The following ARHGEF19 variants were observed in gnomAD, a reference collection of about 807,000 sequenced individuals.
ARHGEF19 encodes the protein Rho guanine nucleotide exchange factor 19.
A neutral mutation model predicts 87.6 loss-of-function variants in ARHGEF19; 92 were observed. The ratio of observed to expected loss-of-function variants is 1.05; its 90% CI spans 0.89 to 1.25. The LOEUF is 1.25. Ranked by LOEUF, ARHGEF19 falls within the 50% of genes most tolerant of loss-of-function variation. ARHGEF19 has a pLI of 0.00. For missense variants in ARHGEF19, 1,054 were observed against 1,051.8 expected (o/e 1.00, Z -0.03); for synonymous variants, 438 against 446.2 (o/e 0.98, Z 0.23).
chr1:16,204,612 C>A, intron 12 of ARHGEF19, 147 bp downstream of exon 12: 1 of 927,662 alleles, frequency 1.1e-6, no homozygotes. Context: ...GCTTCAGGAG[C>A]CTCCAAATCT....
In ARHGEF19 at chr1:16,206,804, C is replaced by T. The variant is rs1472413378; in HGVS notation, c.1137+144G>A. ...CCAGACGGCCTCGTGTAGTCAGGTC[C>T]TAGAGCCAACCTTCCGCGCGGACAG... On this transcript the variant is annotated intron_variant, in intron 6 of 15. Transcript: ENST00000270747. The surrounding 1 kb of genome is among the most constrained non-coding windows in gnomAD (Gnocchi z 4.6). The T allele has an allele frequency of 1.8e-6, 2 of 1,120,016 alleles. No homozygotes were observed. Among genetic ancestry groups the T allele is most frequent in the Non-Finnish European group, 2.4e-6 (2 of 837,700 alleles). 69.4% of individuals were successfully genotyped at this position (1,120,016 alleles called of 1,614,324 possible).
At chr1:16,199,807 T>TTCTCCCCTCCACTTTCCCTCCCTAC (rs1329778960) in intron 14 of ARHGEF19, among the ~76,000 whole-genome samples, 4 of 151,732 alleles carry the variant, frequency 2.6e-5, no homozygotes, top group Admixed American at 6.6e-5. Flanking sequence ...TATCCTCGTC[T>TTCTCCCCTCCACTTTCCCTCCCTAC]TCTCCCCTCC....
chr1:16,208,293 C>T lies in ARHGEF19; in HGVS notation c.413-68G>A, dbSNP rs528069248. 2.6e-6 allele frequency: 4 copies of T among 1,531,346 alleles called. No homozygotes were observed. In the African/African-American group the frequency reaches 5.5e-5, roughly 21 times the overall value. The allele number at this position is 1,531,346 out of a possible 1,614,324, so 94.9% of individuals were successfully genotyped here. A position where few individuals can be genotyped will look rare whatever the true frequency, so the allele number is the denominator to read the frequency against. On this transcript the variant is annotated intron_variant, in intron 2 of 15. Coordinates refer to ENST00000270747, the MANE Select transcript of ARHGEF19 (RefSeq NM_153213.5). ...CCCCAACCTCCTCCCTGCTGCTGCC[C>T]CTGGCCCTGAGCACCTGGGGAGGTT... is the stretch of plus-strand genomic sequence containing the variant.
In ARHGEF19 at chr1:16,202,415, C is replaced by A. The variant is rs1234145826; in HGVS notation, c.2066+1G>T. 1 of 1,609,972 alleles carries A rather than the reference C, an allele frequency of 6.2e-7. No individual in the cohort carries two copies. The highest frequency in any genetic ancestry group is 8.5e-7 in the Non-Finnish European group (1 of 1,178,152). ...TCTCTCCCATATCCAGGCCCACTCA[C>A]TCCGTCCGGGCCCGCAGCAGGAACT... On this transcript the variant is annotated splice_donor_variant, in intron 13 of 15. Transcript: ENST00000270747. LOFTEE classifies it high-confidence loss of function.
intron 14 of ARHGEF19, among the ~76,000 whole-genome samples, chr1:16,201,246 A>C (rs970117121): frequency 6.6e-5 from 10 of 152,264 alleles, no homozygotes; most frequent in South Asian, 2.1e-4. Flanking sequence ...CAAACCTTCA[A>C]TAGCTCCCTA....
Position 16,210,577 on chromosome 1 carries a change from A to G in ARHGEF19, c.-29-1494T>C, listed in dbSNP as rs138605442. 4.6e-3 allele frequency among the ~76,000 whole-genome samples: 708 copies of G among 152,362 alleles called. 4 individuals carry two copies. Among genetic ancestry groups the G allele is most frequent in the Non-Finnish European group, 7.3e-3 (494 of 68,026 alleles). On this transcript the variant is annotated intron_variant, in intron 1 of 15. Transcript: ENST00000270747. The stretch of plus-strand genomic sequence containing the variant: ...CAGAGACACTGACAATTTCAGGCCA[A>G]CCAGATCCTCAGAGACACAGATGAA...
At position 16,207,261 on chromosome 1, in the gene ARHGEF19, C is replaced by G; in HGVS notation, c.875-51G>C. On this transcript the variant is annotated intron_variant, in intron 5 of 15. Coordinates refer to ENST00000270747, the MANE Select transcript of ARHGEF19 (RefSeq NM_153213.5). The surrounding 1 kb of genome is among the most constrained non-coding windows in gnomAD (Gnocchi z 4.0). ...GCGTGGGGCGCCCGCCAGCCCCTGC[C>G]CGGCTTTTCCTCGGTTCCCTCAAGA... The G allele has an allele frequency of 6.8e-7, 1 of 1,464,972 alleles. No individual in the cohort carries two copies. The allele number at this position is 1,464,972 out of a possible 1,614,324, so 90.7% of individuals were successfully genotyped here.
rs763953963 is a variant in ARHGEF19, at chr1:16,199,196, G to A, written c.2205C>T (p.Thr735=). Residue 735 remains threonine (T), a synonymous_variant, in exon 15 of 16, where the codon ACC becomes ACT. Coordinates refer to ENST00000270747, the MANE Select transcript of ARHGEF19 (RefSeq NM_153213.5). The part of the protein sequence containing the change: ...TYKALHPDEL[T]LEKTDILSVR... ...CTGACAGGATGTCAGTCTTCTCCAA[G>A]GTCAGCTCATCTGGGTGCAGTGCCT... The A allele has an allele frequency of 2.5e-6, 4 of 1,614,004 alleles. No homozygotes were observed. The highest frequency in any genetic ancestry group is 1.7e-4 in the Middle Eastern group (1 of 6,058).
In ARHGEF19 at chr1:16,207,952, G is replaced by T. The variant is rs759650014; in HGVS notation, c.686C>A (p.Ala229Asp). Residue 229 changes from alanine to aspartate, a missense_variant, in exon 3 of 16, where the codon GCC becomes GAC. Physicochemically the swap from Ala to Asp is moderately radical, Grantham distance 126. Coordinates refer to ENST00000270747, the MANE Select transcript of ARHGEF19 (RefSeq NM_153213.5). This position sits in a 1 kb window ranked among gnomAD's most constrained non-coding sequence, Gnocchi z 4.0. ...ALISGSGTGA[A>D]REGKASGMEA... The stretch of plus-strand genomic sequence containing the variant: ...ATGGGAGGAGCTGGTACCTTCCCGG[G>T]CTGCTCCGGTGCCTGACCCAGAGAT... The T allele has an allele frequency of 1.9e-6, 3 of 1,609,272 alleles. No homozygotes were observed. The highest frequency in any genetic ancestry group is 2.2e-5 in the South Asian group (2 of 90,874).
In ARHGEF19 at chr1:16,205,051, C is replaced by G; in HGVS notation, c.1746+36G>C. 11 of 1,574,908 alleles carry G rather than the reference C, an allele frequency of 7.0e-6. No homozygotes were observed. The highest frequency in any genetic ancestry group is 9.5e-6 in the Non-Finnish European group (11 of 1,159,944). On this transcript the variant is annotated intron_variant, in intron 11 of 15. Coordinates refer to ENST00000270747, the MANE Select transcript of ARHGEF19 (RefSeq NM_153213.5). This position sits in a 1 kb window ranked among gnomAD's most constrained non-coding sequence, Gnocchi z 5.8. ...GGCAAGGAAGAAACAAGAGCTGCCC[C>G]TTGGGGTCCCCATCCCGCTGGCTGC...
chr1:16,198,853 G>A lies in ARHGEF19; in HGVS notation c.2252-109C>T. 3.6e-6 allele frequency: 5 copies of A among 1,374,188 alleles called. No homozygotes were observed. Among genetic ancestry groups the A allele is most frequent in the Non-Finnish European group, 4.9e-6 (5 of 1,017,530 alleles). The allele number at this position is 1,374,188 out of a possible 1,614,324, so 85.1% of individuals were successfully genotyped here. A position where few individuals can be genotyped will look rare whatever the true frequency, so the allele number is the denominator to read the frequency against. On this transcript the variant is annotated intron_variant, in intron 15 of 15. Transcript: ENST00000270747. The surrounding 1 kb of genome is among the most constrained non-coding windows in gnomAD (Gnocchi z 4.1). ...GCTTTGTCTGCACCCTTGGGGCCAA[G>A]GTGACATCATCTCAGCATCTCTCAG...
In ARHGEF19 at chr1:16,207,488, G is replaced by C. The variant is rs200208031; in HGVS notation, c.874+34C>G. The C allele has an allele frequency of 1.9e-6, 3 of 1,610,566 alleles. No homozygotes were observed. The highest frequency in any genetic ancestry group is 4.5e-5 in the East Asian group (2 of 44,812). On this transcript the variant is annotated intron_variant, in intron 5 of 15. Coordinates refer to ENST00000270747, the MANE Select transcript of ARHGEF19 (RefSeq NM_153213.5). The surrounding 1 kb of genome is among the most constrained non-coding windows in gnomAD (Gnocchi z 4.0). ...TTTCCACACCGCAGCCCCTTCCTCC[G>C]TTACCTCCTCCCAGGGACCCCCCTC...
chr1:16,211,861 TAG>T (rs2081200510), intron 1 of ARHGEF19, among the ~76,000 whole-genome samples: 1 of 152,156 alleles, frequency 6.6e-6, no homozygotes, highest in South Asian at 2.1e-4. Flanking sequence ...GATCACAGGA[TAG>T]AGACTCTTGT....
rs748109574 is a variant in ARHGEF19, at chr1:16,202,571, T to C, written c.1911A>G (p.Leu637=). The change falls in exon 13 of 16, where the codon CTA becomes CTG. Residue 637 remains leucine (L), a synonymous_variant. Transcript: ENST00000270747. ...DCLLLSRRKE[L]GKFAVFVHAK... ...CATGGACGAAAACGGCAAACTTCCC[T>C]AGCCTGGAGGACCGGGGGAGGGGAG... is the stretch of plus-strand genomic sequence containing the variant. The C allele has an allele frequency of 1.2e-6, 2 of 1,612,404 alleles. No homozygotes were observed. The highest frequency in any genetic ancestry group is 1.1e-5 in the South Asian group (1 of 91,006).
At position 16,206,556 on chromosome 1, in the gene ARHGEF19, C is replaced by T. The variant is rs1303177993; in HGVS notation, c.1138-216G>A. 6.9e-6 allele frequency: 4 copies of T among 581,534 alleles called. No individual in the cohort carries two copies. The highest frequency in any genetic ancestry group is 1.2e-5 in the Non-Finnish European group (4 of 327,322). The allele number at this position is 581,534 out of a possible 1,614,324, so 36.0% of individuals were successfully genotyped here. ...CCTCGATCCCGCCCCTCTCCTAAGC[C>T]CCGCCCCGACGCGTTCTTCCCAGAG... On this transcript the variant is annotated intron_variant, in intron 6 of 15. Coordinates refer to ENST00000270747, the MANE Select transcript of ARHGEF19 (RefSeq NM_153213.5). This position sits in a 1 kb window ranked among gnomAD's most constrained non-coding sequence, Gnocchi z 4.6.
At chr1:16,199,036 C>T (rs1376677548) in intron 15 of ARHGEF19, 114 bp downstream of exon 15, 2 of 1,055,450 alleles carry the variant, frequency 1.9e-6, no homozygotes, top group Non-Finnish European at 2.9e-6. Flanking sequence ...CTGATTCCCA[C>T]ATGCTGTGGC....
Position 16,205,041 on chromosome 1 carries a change from A to T in ARHGEF19, c.1746+46T>A, listed in dbSNP as rs141134277. On this transcript the variant is annotated intron_variant, in intron 11 of 15. Coordinates refer to ENST00000270747, the MANE Select transcript of ARHGEF19 (RefSeq NM_153213.5). The surrounding 1 kb of genome is among the most constrained non-coding windows in gnomAD (Gnocchi z 5.8). ...AAGCCCCCAGGGCAAGGAAGAAACA[A>T]GAGCTGCCCCTTGGGGTCCCCATCC... 1 of 1,567,774 alleles carries T rather than the reference A, an allele frequency of 6.4e-7. No homozygotes were observed. The highest frequency in any genetic ancestry group is 1.9e-5 in the Admixed American group (1 of 52,466).
chr1:16,206,520 G>C lies in ARHGEF19; in HGVS notation c.1138-180C>G, dbSNP rs1186561240. ...CGTCCCGCCGCGGGAAATTGTGCAA[G>C]CCTTTCCTGTCCTCGATCCCGCCCC... On this transcript the variant is annotated intron_variant, in intron 6 of 15. Transcript: ENST00000270747. This position sits in a 1 kb window ranked among gnomAD's most constrained non-coding sequence, Gnocchi z 4.6. 3 of 670,636 alleles carry C rather than the reference G, an allele frequency of 4.5e-6. No homozygotes were observed. Among genetic ancestry groups the C allele is most frequent in the South Asian group, 1.9e-5 (1 of 52,218 alleles). The allele number at this position is 670,636 out of a possible 1,614,324, so 41.5% of individuals were successfully genotyped here.
chr1:16,205,908 C>G lies in ARHGEF19; in HGVS notation c.1451+23G>C, dbSNP rs1203386076. 2 of 1,591,550 alleles carry G rather than the reference C, an allele frequency of 1.3e-6. No homozygotes were observed. Among genetic ancestry groups the G allele is most frequent in the Non-Finnish European group, 1.7e-6 (2 of 1,169,156 alleles). Reference sequence around the variant, plus strand: ...CTGAGACTCCCTCCACGCCCCCGCCCCTTTCAGAGCCCCCAGCCCTACAGC... The same window carrying G: ...CTGAGACTCCCTCCACGCCCCCGCCGCTTTCAGAGCCCCCAGCCCTACAGC... On this transcript the variant is annotated intron_variant, in intron 8 of 15. Transcript: ENST00000270747. This position sits in a 1 kb window ranked among gnomAD's most constrained non-coding sequence, Gnocchi z 5.8.
Sources: allele counts gnomAD v4.1 joint callset (sites outside exome capture counted in the v4.1 genomes callset), GRCh38; gene constraint gnomAD v4.1.1; non-coding constraint Gnocchi (gnomAD v3.1); transcripts MANE v1.5; gene names NCBI Gene and HGNC (gene_info 2026-07-23, HGNC 2026-07-21).